Variants in HNRNPD observed in about 807,000 individuals in gnomAD.
HNRNPD encodes heterogeneous nuclear ribonucleoprotein D, also known as heterogeneous nuclear ribonucleoprotein D0.
In HNRNPD, 3 loss-of-function variants were observed where a neutral mutation model predicts 47.9. The ratio of observed to expected loss-of-function variants is 0.06; its 90% CI spans 0.03 to 0.16. The LOEUF (loss-of-function observed/expected upper bound fraction) is 0.16. Ranked by LOEUF, HNRNPD falls within the 10% of genes least tolerant of loss-of-function variation. The pLI is 1.00. For synonymous variants in HNRNPD, 171 were observed against 165.1 expected (o/e 1.04, Z -0.28); for missense variants, 287 against 454.2 (o/e 0.63, Z 3.35).
At chr4:82,370,975 T>TACACACACACAC (rs1490020615) in intron 2 of HNRNPD, among the ~76,000 whole-genome samples, 7 of 37,694 alleles carry the variant, frequency 1.9e-4, no homozygotes, top group African/African-American at 6.5e-4. Context: ...TTTAATGGTA[T>TACACACACACAC]ATATATACAC....
intron 2 of HNRNPD, 48 bp downstream of exon 2, chr4:82,371,480 T>A (rs764683674): frequency 6.9e-7 from 1 of 1,441,348 alleles, no homozygotes; most frequent in Admixed American, 1.8e-5. Context: ...CTACATATTA[T>A]GACTACTGAA....
At chr4:82,364,175 GC>G (rs1403702086) in intron 2 of HNRNPD, among the ~76,000 whole-genome samples, 1 of 151,836 alleles carries the variant, frequency 6.6e-6, no homozygotes, top group African/African-American at 2.4e-5. Flanking sequence ...TTACTATGTC[GC>G]CCAGGCTAGT....
intron 3 of HNRNPD, 134 bp downstream of exon 3, chr4:82,359,337 G>A (rs1427806022): frequency 4.9e-5 from 24 of 490,342 alleles, no homozygotes; most frequent in Admixed American, 7.8e-5. Context: ...TTCATAAAAC[G>A]TATTGGGGCA....
intron 2 of HNRNPD, among the ~76,000 whole-genome samples, chr4:82,363,028 A>ATG (rs1044451660): frequency 4.7e-5 from 6 of 128,820 alleles, no homozygotes; most frequent in African/African-American, 2.3e-4. Context: ...GATTTTATAT[A>ATG]TATATGTGTG....
chr4:82,373,893 C>A lies in HNRNPD; in HGVS notation c.-215G>T. The A allele has an allele frequency of 8.9e-7, 1 of 1,123,776 alleles. No homozygotes were observed. Among genetic ancestry groups the A allele is most frequent in the Non-Finnish European group, 1.2e-6 (1 of 832,142 alleles). 69.6% of individuals were successfully genotyped at this position (1,123,776 alleles called of 1,614,324 possible). On this transcript the variant is annotated 5_prime_UTR_variant, in exon 1 of 9. Coordinates refer to ENST00000313899, the MANE Select transcript of HNRNPD (RefSeq NM_031370.3). ...CTCTCGCGCGGCGCACACTCCCGCT[C>A]TCTCCCGCTGCACTAAAAAAGAATA...
In HNRNPD at chr4:82,373,640, T is replaced by TGCC. The variant is rs762068003; in HGVS notation, c.36_38dup (p.Ala15dup). 1 of 1,525,432 alleles carries TGCC rather than the reference T, an allele frequency of 6.6e-7. No individual in the cohort carries two copies. The highest frequency in any genetic ancestry group is 1.2e-5 in the South Asian group (1 of 83,406). 94.5% of individuals were successfully genotyped at this position (1,525,432 alleles called of 1,614,324 possible). A position where few individuals can be genotyped will look rare whatever the true frequency, so the allele number is the denominator to read the frequency against. ...AGCCGCCTACCGCCGCCGTTGCCGC[T>TGCC]GCCGCCGCCCCGTCCCCGCCGAACT... On this transcript the variant is annotated inframe_insertion, in exon 1 of 9. Transcript: ENST00000313899.
intron 2 of HNRNPD, among the ~76,000 whole-genome samples, chr4:82,365,513 G>A (rs1719705175): frequency 6.6e-6 from 1 of 151,988 alleles, no homozygotes; most frequent in Non-Finnish European, 1.5e-5. Flanking sequence ...TATTTTACAA[G>A]TTGTATGAAA....
At chr4:82,367,972 A>C (rs894618165) in intron 2 of HNRNPD, among the ~76,000 whole-genome samples, 1 of 152,206 alleles carries the variant, frequency 6.6e-6, no homozygotes, top group Non-Finnish European at 1.5e-5. Context: ...ACACTGTTGG[A>C]AGTGAAGCAA....
intron 7 of HNRNPD, chr4:82,355,620 A>G (rs1185203493): frequency 5.4e-6 from 3 of 558,450 alleles, no homozygotes; most frequent in Non-Finnish European, 9.4e-6. Flanking sequence ...GACTTATTGT[A>G]TAAAATGGGA....
At chr4:82,356,340 T>A (rs537087351) in intron 7 of HNRNPD, 197 bp downstream of exon 7, 56 of 534,096 alleles carry the variant, frequency 1.0e-4, no homozygotes, top group African/African-American at 1.0e-3. Context: ...GAACCACACA[T>A]ACACCCTACC....
At chr4:82,370,557 C>T (rs1301817421) in intron 2 of HNRNPD, among the ~76,000 whole-genome samples, 1 of 152,024 alleles carries the variant, frequency 6.6e-6, no homozygotes, top group Non-Finnish European at 1.5e-5. Context: ...TGCTTTTCCC[C>T]TTGCCTGTTT....
At chr4:82,361,794 T>C (rs1036238701) in intron 2 of HNRNPD, among the ~76,000 whole-genome samples, 1 of 152,186 alleles carries the variant, frequency 6.6e-6, no homozygotes, top group African/African-American at 2.4e-5. Flanking sequence ...CACCTAAGCA[T>C]ATCATCAGCT....
At chr4:82,355,701 C>G (rs1578045421) in intron 7 of HNRNPD, 2 of 375,292 alleles carry the variant, frequency 5.3e-6, no homozygotes. Flanking sequence ...CTTTCACAAC[C>G]ACCAGCAAAA....
intron 2 of HNRNPD, among the ~76,000 whole-genome samples, chr4:82,363,594 C>T (rs1232592477): frequency 6.6e-6 from 1 of 152,162 alleles, no homozygotes; most frequent in Non-Finnish European, 1.5e-5. Flanking sequence ...TGGCCCCTAA[C>T]GCTGCAATAA....
intron 2 of HNRNPD, among the ~76,000 whole-genome samples, chr4:82,370,977 T>TACACACACAC (rs755789567): frequency 0.017 from 570 of 34,502 alleles, 5 homozygotes; most frequent in African/African-American, 0.053. Context: ...TAATGGTATA[T>TACACACACAC]ATATACACAC....
At chr4:82,368,196 T>C (rs1179845298) in intron 2 of HNRNPD, among the ~76,000 whole-genome samples, 3 of 152,242 alleles carry the variant, frequency 2.0e-5, no homozygotes, top group African/African-American at 7.2e-5. Context: ...GTATGTATTA[T>C]GACTTGAAGG....
chr4:82,373,616 G>A lies in HNRNPD; in HGVS notation c.63C>T (p.Gly21=), dbSNP rs1245282363. ...TGGCTCCCTCCTGCTCGCCCGCCGAGCCGCCTACCGCCGCCGTTGCCGCTG... is the reference window on the plus strand; with the variant it reads ...TGGCTCCCTCCTGCTCGCCCGCCGAACCGCCTACCGCCGCCGTTGCCGCTG... The part of the protein sequence containing the change: ...AAAAATAAVG[G]SAGEQEGAMV... Residue 21 remains glycine (G), a synonymous_variant, in exon 1 of 9, where the codon GGC becomes GGT. Coordinates refer to ENST00000313899, the MANE Select transcript of HNRNPD (RefSeq NM_031370.3). 2.0e-6 allele frequency: 3 copies of A among 1,526,670 alleles called. No homozygotes were observed. Among genetic ancestry groups the A allele is most frequent in the Non-Finnish European group, 2.6e-6 (3 of 1,142,788 alleles). 94.6% of individuals were successfully genotyped at this position (1,526,670 alleles called of 1,614,324 possible). A position where few individuals can be genotyped will look rare whatever the true frequency, so the allele number is the denominator to read the frequency against.
In HNRNPD at chr4:82,373,738, C is replaced by T; in HGVS notation, c.-60G>A. 2 of 1,528,314 alleles carry T rather than the reference C, an allele frequency of 1.3e-6. No individual in the cohort carries two copies. Among genetic ancestry groups the T allele is most frequent in the South Asian group, 2.4e-5 (2 of 83,808 alleles). The allele number at this position is 1,528,314 out of a possible 1,614,324, so 94.7% of individuals were successfully genotyped here. On this transcript the variant is annotated 5_prime_UTR_variant, in exon 1 of 9. Transcript: ENST00000313899. ...CACCCGCCGCTGCCGCGAACCGAAACTAGCAGCAAAGTAATCCCCGCCGCT... is the reference window on the plus strand; with the variant it reads ...CACCCGCCGCTGCCGCGAACCGAAATTAGCAGCAAAGTAATCCCCGCCGCT...
At chr4:82,371,158 G>A (rs1720028962) in intron 2 of HNRNPD, among the ~76,000 whole-genome samples, 1 of 152,104 alleles carries the variant, frequency 6.6e-6, no homozygotes, top group African/African-American at 2.4e-5. Context: ...ATATCAAGGA[G>A]TCTTCATATT....
Sources: allele counts gnomAD v4.1 joint callset (sites outside exome capture counted in the v4.1 genomes callset), GRCh38; gene constraint gnomAD v4.1.1; transcripts MANE v1.5; gene names NCBI Gene and HGNC (gene_info 2026-07-23, HGNC 2026-07-21).